The following PDE9A variants were observed in gnomAD, a reference collection of about 807,000 sequenced individuals.
PDE9A encodes the protein phosphodiesterase 9A.
Under a neutral mutation model 87.4 loss-of-function variants are expected in PDE9A, and 60 were observed. That is an observed-to-expected ratio of 0.69 (90% confidence interval 0.56 to 0.85). The LOEUF (loss-of-function observed/expected upper bound fraction) is 0.85, where lower values mean the gene tolerates loss of function less well. PDE9A is among the 40% of genes least tolerant of loss of function. The pLI is 0.00. For synonymous variants in PDE9A, 272 were observed against 279.4 expected (o/e 0.97, Z 0.27); for missense variants, 665 against 779.0 (o/e 0.85, Z 1.74).
chr21:42,754,060 A>G lies in PDE9A; in HGVS notation c.806A>G (p.Asn269Ser), dbSNP rs1468906529. Residue 269 changes from asparagine to serine, a missense_variant, in exon 10 of 20, where the codon AAT becomes AGT. Transcript: ENST00000291539. ...TTTGACGTCTGGCTTTGGGAGCCCA[A>G]TGAGGTAAGTGCGGGGCTTGCAGGC... ...PTFDVWLWEP[N>S]EMLSCLEHMY... is the part of the protein sequence containing the mutation. 96 of 1,610,672 alleles carry G rather than the reference A, an allele frequency of 6.0e-5. No individual in the cohort carries two copies. The highest frequency in any genetic ancestry group is 1.6e-4 in the Middle Eastern group (1 of 6,074).
chr21:42,737,659 T>C (rs2052605358), intron 7 of PDE9A, among the ~76,000 whole-genome samples: 1 of 152,218 alleles, frequency 6.6e-6, no homozygotes, highest in South Asian at 2.1e-4. Context: ...GGTTCCGCCA[T>C]GTTGGCCAGG....
intron 17 of PDE9A, among the ~76,000 whole-genome samples, chr21:42,769,558 G>GCACA (rs56998221): frequency 5.4e-5 from 7 of 130,124 alleles, no homozygotes; most frequent in Non-Finnish European, 1.1e-4. Context: ...GCACACACAG[G>GCACA]CACACACACA....
At chr21:42,765,565 A>C in intron 15 of PDE9A, 71 bp downstream of exon 15, 9 of 810,464 alleles carry the variant, frequency 1.1e-5, no homozygotes, top group Non-Finnish European at 1.7e-5. Context: ...CATCCAGCTC[A>C]CACTGGAAGC....
chr21:42,770,799 G>A lies in PDE9A; in HGVS notation c.1686+1G>A. Reference sequence around the variant, plus strand: ...GCGGATAGATGACGCCATGAAAGAGGTAAAACACACTGAGAAGAGCCTGCC... The same window carrying A: ...GCGGATAGATGACGCCATGAAAGAGATAAAACACACTGAGAAGAGCCTGCC... On this transcript the variant is annotated splice_donor_variant, in intron 18 of 19. Coordinates refer to ENST00000291539, the MANE Select transcript of PDE9A (RefSeq NM_002606.3). LOFTEE classifies it high-confidence loss of function. 1 of 1,610,860 alleles carries A rather than the reference G, an allele frequency of 6.2e-7. No homozygotes were observed. The highest frequency in any genetic ancestry group is 8.5e-7 in the Non-Finnish European group (1 of 1,177,060).
chr21:42,724,477 C>A, intron 4 of PDE9A: 1 of 372,644 alleles, frequency 2.7e-6, no homozygotes, highest in Non-Finnish European at 3.7e-6. Context: ...GCACCCACTT[C>A]CTGATCAGGG....
intron 4 of PDE9A, chr21:42,724,721 C>A: frequency 2.3e-6 from 1 of 437,864 alleles, no homozygotes; most frequent in Non-Finnish European, 3.0e-6. Context: ...GAATAGCTGA[C>A]ATGCTGGCCT....
intron 2 of PDE9A, 103 bp downstream of exon 2, chr21:42,686,365 C>G (rs969530009): frequency 2.3e-6 from 2 of 887,006 alleles, no homozygotes; most frequent in Non-Finnish European, 3.7e-6. Context: ...GCCCGAGGCA[C>G]CGGCCTTCTA....
At chr21:42,768,108 T>C (rs545650474) in intron 15 of PDE9A, 80 bp from the exon 16 acceptor site, 1 of 858,974 alleles carries the variant, frequency 1.2e-6, no homozygotes, top group Admixed American at 1.8e-5. Context: ...CTGCCTGTAA[T>C]GGCAAGTCCA....
At chr21:42,715,187 AC>A (rs1328521879) in intron 4 of PDE9A, among the ~76,000 whole-genome samples, 1 of 63,010 alleles carries the variant, frequency 1.6e-5, no homozygotes, top group Non-Finnish European at 3.0e-5. Flanking sequence ...ATGCATCTTT[AC>A]TTTTTTTTTT....
rs950528162 is a variant in PDE9A at position 42,692,939 on chromosome 21, C to T, written c.218+4945C>T. The stretch of plus-strand genomic sequence containing the variant: ...TCACCGTTTCTCTCCCGCCCCCCGG[C>T]CGCATGCTGCAGCCATTCCCTCACC... On this transcript the variant is annotated intron_variant, in intron 3 of 19. Coordinates refer to ENST00000291539, the MANE Select transcript of PDE9A (RefSeq NM_002606.3). The surrounding 1 kb of genome is among the most constrained non-coding windows in gnomAD (Gnocchi z 4.3). Among the ~76,000 whole-genome samples the T allele has an allele frequency of 6.6e-6, 1 of 152,210 alleles. No homozygotes were observed. Among genetic ancestry groups the T allele is most frequent in the African/African-American group, 2.4e-5 (1 of 41,466 alleles).
intron 4 of PDE9A, 135 bp from the exon 5 acceptor site, chr21:42,731,635 C>T (rs963999073): frequency 4.0e-5 from 36 of 906,936 alleles, no homozygotes; most frequent in Non-Finnish European, 5.7e-5. Context: ...GCAGACCCGC[C>T]GTGAGAACAC....
intron 4 of PDE9A, among the ~76,000 whole-genome samples, chr21:42,716,438 T>C (rs2146527023): frequency 6.6e-6 from 1 of 151,908 alleles, no homozygotes; most frequent in South Asian, 2.1e-4. Flanking sequence ...ATAGGTGTAT[T>C]GCAGTATCTT....
intron 1 of PDE9A, among the ~76,000 whole-genome samples, chr21:42,681,471 G>A (rs2059160774): frequency 2.0e-5 from 3 of 152,340 alleles, no homozygotes; most frequent in African/African-American, 7.2e-5. Context: ...TGGTTTCCGT[G>A]TGTAAACATC....
At chr21:42,751,850 A>G (rs2054469313) in intron 9 of PDE9A, among the ~76,000 whole-genome samples, 1 of 150,198 alleles carries the variant, frequency 6.7e-6, no homozygotes, top group East Asian at 2.0e-4. Flanking sequence ...GGGTTCAAGC[A>G]ATTCTCCTAC....
At chr21:42,714,686 G>A (rs1157927595) in intron 4 of PDE9A, among the ~76,000 whole-genome samples, 1 of 146,208 alleles carries the variant, frequency 6.8e-6, no homozygotes, top group Non-Finnish European at 1.5e-5. Context: ...TGATATGGTT[G>A]GGGTTAGCTC....
intron 18 of PDE9A, among the ~76,000 whole-genome samples, chr21:42,771,115 C>T (rs1037709746): frequency 1.3e-5 from 2 of 152,330 alleles, no homozygotes; most frequent in East Asian, 1.9e-4. Context: ...TATCAGCCGC[C>T]GTTAGAGCAT....
chr21:42,733,714 A>G, intron 7 of PDE9A: 1 of 428,944 alleles, frequency 2.3e-6, no homozygotes. Context: ...CCCTCTGAGA[A>G]CCTCTGCTGA....
rs1285381491 is a variant in PDE9A at position 42,736,888 on chromosome 21, G to A, written c.568+3462G>A. The stretch of plus-strand genomic sequence containing the variant: ...GGCTGATGGCTCCCCACTCTCCAGC[G>A]GATGTGCTTTAGCGGGAGGTGGCCA... On this transcript the variant is annotated intron_variant, in intron 7 of 19. Coordinates refer to ENST00000291539, the MANE Select transcript of PDE9A (RefSeq NM_002606.3). Among the ~76,000 whole-genome samples the A allele has an allele frequency of 4.6e-5, 7 of 152,348 alleles. No homozygotes were observed. In the South Asian group the frequency reaches 6.2e-4, roughly 14 times the overall value.
At chr21:42,680,491 C>T (rs2059112412) in intron 1 of PDE9A, among the ~76,000 whole-genome samples, 1 of 152,204 alleles carries the variant, frequency 6.6e-6, no homozygotes, top group Non-Finnish European at 1.5e-5. Context: ...AAGACCCCCA[C>T]CCAGCCAATC....
Sources: gnomAD v4.1 joint callset for allele counts (sites outside exome capture counted in the v4.1 genomes callset) on GRCh38, gnomAD v4.1.1 for gene constraint, Gnocchi (gnomAD v3.1) non-coding constraint, MANE v1.5 for transcripts, NCBI Gene and HGNC (gene_info 2026-07-23, HGNC 2026-07-21) for gene names.